The following FAAH variants were observed in gnomAD, a reference collection of about 807,000 sequenced individuals.
FAAH encodes the protein fatty-acid amide hydrolase 1.
Under a neutral mutation model 69.7 loss-of-function variants are expected in FAAH, and 63 were observed. The ratio of observed to expected loss-of-function variants is 0.90; its 90% CI spans 0.74 to 1.12. The LOEUF is 1.12. Among genes scored for constraint, FAAH ranks in the 50% most tolerant of loss-of-function variants. FAAH has a pLI of 0.00. For synonymous variants in FAAH, 305 were observed against 324.2 expected (o/e 0.94, Z 0.64); for missense variants, 680 against 755.0 (o/e 0.90, Z 1.16).
In FAAH at chr1:46,413,671, C is replaced by T. The variant is rs1569828238; in HGVS notation, c.*96C>T. 12 of 1,576,568 alleles carry T rather than the reference C, an allele frequency of 7.6e-6. No individual in the cohort carries two copies. The East Asian group carries it at 2.7e-4, about 36-fold the overall frequency. On this transcript the variant is annotated 3_prime_UTR_variant, in exon 15 of 15. Coordinates refer to ENST00000243167, the MANE Select transcript of FAAH (RefSeq NM_001441.3). The stretch of plus-strand genomic sequence containing the variant: ...GCTGCCACAGCAAGGAAATGTCCTG[C>T]ATGGGGCAGAGGCTTCCGTGTCCTC...
At chr1:46,413,324 C>A in intron 14 of FAAH, 104 bp downstream of exon 14, 1 of 1,609,602 alleles carries the variant, frequency 6.2e-7, no homozygotes, top group African/African-American at 1.3e-5. Flanking sequence ...CTTTCTTAAG[C>A]AAGACCTGAA....
chr1:46,413,424 C>CCTG, intron 14 of FAAH, 23 bp from the exon 15 acceptor site: 1 of 1,614,076 alleles, frequency 6.2e-7, no homozygotes, highest in Non-Finnish European at 8.5e-7. Context: ...CTAACCCTAT[C>CCTG]CTGATGCCTG....
At position 46,408,604 on chromosome 1, in the gene FAAH, G is replaced by A; in HGVS notation, c.1077+20G>A. 4 of 1,614,102 alleles carry A rather than the reference G, an allele frequency of 2.5e-6. No homozygotes were observed. Among genetic ancestry groups the A allele is most frequent in the Non-Finnish European group, 3.4e-6 (4 of 1,180,034 alleles). On this transcript the variant is annotated intron_variant, in intron 8 of 14. Coordinates refer to ENST00000243167, the MANE Select transcript of FAAH (RefSeq NM_001441.3). ...CACACGGTATGACTGCAGGGTCCTG[G>A]AAGTACTGGCATCTCCTCCCCTCAC...
Position 46,405,242 on chromosome 1 carries a change from A to G in FAAH, c.444+94A>G, listed in dbSNP as rs1664769998. On this transcript the variant is annotated intron_variant, in intron 3 of 14. Coordinates refer to ENST00000243167, the MANE Select transcript of FAAH (RefSeq NM_001441.3). The surrounding 1 kb of genome is among the most constrained non-coding windows in gnomAD (Gnocchi z 4.1). ...GTCATTTTGGGCCCTTAGAGGAGGT[A>G]TCAGGTCCAGAGGCCTTCCGAGGGG... 3.7e-6 allele frequency: 6 copies of G among 1,611,458 alleles called. No homozygotes were observed. The highest frequency in any genetic ancestry group is 5.1e-6 in the Non-Finnish European group (6 of 1,179,602).
Position 46,394,400 on chromosome 1 carries a change from C to G in FAAH, c.52C>G (p.Leu18Val), listed in dbSNP as rs1202214206. 1.3e-6 allele frequency: 2 copies of G among 1,512,860 alleles called. No individual in the cohort carries two copies. Among genetic ancestry groups the G allele is most frequent in the Non-Finnish European group, 1.8e-6 (2 of 1,135,442 alleles). 93.7% of individuals were successfully genotyped at this position (1,512,860 alleles called of 1,614,324 possible). The change falls in exon 1 of 15, where the codon CTG becomes GTG. Residue 18 changes from leucine (L) to valine (V), a missense_variant. By Grantham distance (32) the Leu-to-Val change is conservative. Coordinates refer to ENST00000243167, the MANE Select transcript of FAAH (RefSeq NM_001441.3). ...GCTGCCTGGCGCCTCCGGGGTCGCC[C>G]TGGCCTGCTGCTTCGTGGCGGCGGC... ...AALPGASGVA[L>V]ACCFVAAAVA... is the part of the protein sequence containing the mutation.
chr1:46,400,348 C>T (rs1190360268), intron 1 of FAAH, among the ~76,000 whole-genome samples: 1 of 152,082 alleles, frequency 6.6e-6, no homozygotes. Flanking sequence ...TTTGCACTGT[C>T]TGGCCCTAGT....
At chr1:46,398,386 G>A (rs1664637601) in intron 1 of FAAH, among the ~76,000 whole-genome samples, 1 of 152,142 alleles carries the variant, frequency 6.6e-6, no homozygotes, top group African/African-American at 2.4e-5. Context: ...GACTGTCTGG[G>A]CAACCTTTCT....
chr1:46,398,083 G>A (rs1203024190), intron 1 of FAAH, among the ~76,000 whole-genome samples: 1 of 151,950 alleles, frequency 6.6e-6, no homozygotes, highest in Admixed American at 6.6e-5. Context: ...ACAGGTGCCT[G>A]CCACCATGCC....
intron 14 of FAAH, 33 bp downstream of exon 14, chr1:46,413,253 C>A: frequency 6.2e-7 from 1 of 1,613,880 alleles, no homozygotes; most frequent in Non-Finnish European, 8.5e-7. Context: ...ACTGGACTCA[C>A]TCCCCACCCT....
chr1:46,412,273 G>T, intron 13 of FAAH, 22 bp downstream of exon 13: 1 of 1,535,554 alleles, frequency 6.5e-7, no homozygotes, highest in Non-Finnish European at 8.8e-7. Context: ...CACCCTGCCT[G>T]TCCCTTCTGT....
chr1:46,403,398 G>A (rs1228647993), intron 2 of FAAH, among the ~76,000 whole-genome samples: 1 of 152,200 alleles, frequency 6.6e-6, no homozygotes, highest in African/African-American at 2.4e-5. Context: ...CGCCTGGCCT[G>A]TTCTCTTCTT....
At chr1:46,400,142 T>G (rs1182764527) in intron 1 of FAAH, among the ~76,000 whole-genome samples, 1 of 132,658 alleles carries the variant, frequency 7.5e-6, no homozygotes, top group African/African-American at 2.8e-5. Flanking sequence ...GGGCAGAGGC[T>G]GTGGCATGTG....
intron 8 of FAAH, 94 bp from the exon 9 acceptor site, chr1:46,409,007 T>C: frequency 1.0e-6 from 1 of 975,990 alleles, no homozygotes; most frequent in Non-Finnish European, 1.7e-6. Flanking sequence ...GTGGGCAGGG[T>C]TGGTCCAATC....
At position 46,409,698 on chromosome 1, in the gene FAAH, C is replaced by T. The variant is rs149803871; in HGVS notation, c.1175+500C>T. On this transcript the variant is annotated intron_variant, in intron 9 of 14. Coordinates refer to ENST00000243167, the MANE Select transcript of FAAH (RefSeq NM_001441.3). Reference sequence around the variant, plus strand: ...TTCGTTCCTCTGGGATGCTTCTAGTCATTAAAGGTGTCAGGGGCAGAGAAC... The same window carrying T: ...TTCGTTCCTCTGGGATGCTTCTAGTTATTAAAGGTGTCAGGGGCAGAGAAC... Among the ~76,000 whole-genome samples the T allele has an allele frequency of 5.6e-4, 86 of 152,256 alleles. 1 individual carries two copies. In the South Asian group the frequency reaches 0.013, roughly 23 times the overall value.
At chr1:46,412,325 G>A (rs1664932354) in intron 13 of FAAH, 74 bp downstream of exon 13, 1 of 1,299,064 alleles carries the variant, frequency 7.7e-7, no homozygotes, top group Non-Finnish European at 1.1e-6. Context: ...GGAAATGGAA[G>A]AAGAGCCCTC....
At position 46,411,773 on chromosome 1, in the gene FAAH, C is replaced by A; in HGVS notation, c.1356+122C>A. 1.8e-6 allele frequency: 2 copies of A among 1,085,036 alleles called. No individual in the cohort carries two copies. Among genetic ancestry groups the A allele is most frequent in the Non-Finnish European group, 2.7e-6 (2 of 728,784 alleles). The allele number at this position is 1,085,036 out of a possible 1,614,324, so 67.2% of individuals were successfully genotyped here. A position where few individuals can be genotyped will look rare whatever the true frequency, so the allele number is the denominator to read the frequency against. On this transcript the variant is annotated intron_variant, in intron 12 of 14. Transcript: ENST00000243167. This position sits in a 1 kb window ranked among gnomAD's most constrained non-coding sequence, Gnocchi z 4.8. ...GGGGCTCCTAGACTGGCCTGTCATC[C>A]CCCTTCCACTCCCTGGACCACCACT...
At chr1:46,412,635 C>T (rs1417378731) in intron 13 of FAAH, among the ~76,000 whole-genome samples, 1 of 151,952 alleles carries the variant, frequency 6.6e-6, no homozygotes, top group Non-Finnish European at 1.5e-5. Flanking sequence ...CATAGTGAGG[C>T]TCCTGTTGCT....
intron 2 of FAAH, among the ~76,000 whole-genome samples, chr1:46,402,585 G>A (rs909035131): frequency 1.3e-5 from 2 of 151,724 alleles, no homozygotes; most frequent in African/African-American, 4.8e-5. Flanking sequence ...CAATCTTGGC[G>A]CACTGCAACC....
chr1:46,412,106 C>T (rs756608614), intron 12 of FAAH, 37 bp from the exon 13 acceptor site: 2 of 1,531,330 alleles, frequency 1.3e-6, no homozygotes, highest in Non-Finnish European at 1.8e-6. Flanking sequence ...TGGGCTAGGT[C>T]TGAGTGCTTT....
Sources: gnomAD v4.1 joint callset for allele counts (sites outside exome capture counted in the v4.1 genomes callset) on GRCh38, gnomAD v4.1.1 for gene constraint, Gnocchi (gnomAD v3.1) non-coding constraint, MANE v1.5 for transcripts, NCBI Gene and HGNC (gene_info 2026-07-23, HGNC 2026-07-21) for gene names.